OSM: variants seen among roughly 807,000 people sequenced by gnomAD.
OSM encodes the protein oncostatin-M.
In OSM, 1 loss-of-function variant was observed where a neutral mutation model predicts 6.3. That is an observed-to-expected ratio of 0.16 (90% confidence interval 0.06 to 0.76). OSM has a LOEUF of 0.76. Ranked by LOEUF, OSM falls within the 30% of genes least tolerant of loss-of-function variation. The pLI, the probability that OSM is intolerant of heterozygous loss-of-function variation, is 0.77. For missense variants in OSM, 324 were observed against 336.9 expected, an observed-to-expected ratio of 0.96 and a Z score of 0.30; for synonymous variants, 135 against 143.4, an observed-to-expected ratio of 0.94 and a Z score of 0.42.
intron 1 of OSM, among the ~76,000 whole-genome samples, chr22:30,265,995 C>T (rs1457837148): frequency 1.3e-5 from 2 of 152,274 alleles, no homozygotes; most frequent in Admixed American, 6.5e-5. Flanking sequence ...CCATCGTTCC[C>T]GTCCTAAGAA....
intron 1 of OSM, chr22:30,265,436 C>A: frequency 8.3e-7 from 1 of 1,205,140 alleles, no homozygotes; most frequent in Non-Finnish European, 1.0e-6. Flanking sequence ...GGCTGCAGTG[C>A]CTGGCCGGAT....
Position 30,263,641 on chromosome 22 carries a change from C to T in OSM, c.*242G>A, listed in dbSNP as rs1418134428. The stretch of plus-strand genomic sequence containing the variant: ...GGAAAGTCGGTCCCGCGTGGCCCGC[C>T]CGGCCACCCCACTGGGCCTGGGGAA... On this transcript the variant is annotated 3_prime_UTR_variant, in exon 3 of 3. Coordinates refer to ENST00000215781, the MANE Select transcript of OSM (RefSeq NM_020530.6). 4.9e-6 allele frequency: 2 copies of T among 411,712 alleles called. No individual in the cohort carries two copies. The highest frequency in any genetic ancestry group is 3.5e-5 in the East Asian group (1 of 28,514). 25.5% of individuals were successfully genotyped at this position (411,712 alleles called of 1,614,324 possible).
chr22:30,264,265 G>T lies in OSM; in HGVS notation c.377C>A (p.Ser126Tyr). Residue 126 changes from serine (S) to tyrosine (Y), a missense_variant, in exon 3 of 3, where the codon TCT becomes TAT. By Grantham distance (144) the Ser-to-Tyr change is moderately radical. Transcript: ENST00000215781. Reference protein sequence around the residue: ...RLPKAQDLERSGLNIEDLEKL... With the variant: ...RLPKAQDLERYGLNIEDLEKL... ...CTCCAAGTCCTCGATGTTCAGCCCA[G>T]ACCTCTCCAAATCCTGGGCCTTGGG... 1 of 1,614,146 alleles carries T rather than the reference G, an allele frequency of 6.2e-7. No homozygotes were observed.
Position 30,266,836 on chromosome 22 carries a change from G to T in OSM, c.-37C>A. On this transcript the variant is annotated 5_prime_UTR_variant, in exon 1 of 3. Transcript: ENST00000215781. The surrounding 1 kb of genome is among the most constrained non-coding windows in gnomAD (Gnocchi z 5.0). ...GTGCTCCGGCCCGCGCCCGCTGGGG[G>T]TGACACCTCTCGGCTGGGAGCCCTG... 6.2e-7 allele frequency: 1 copy of T among 1,606,054 alleles called. No homozygotes were observed.
rs756426616 is a variant in OSM, at chr22:30,264,364, C to G, written c.278G>C (p.Arg93Pro). The change falls in exon 3 of 3, where the codon CGG (arginine) becomes CCG (proline). Residue 93 changes from arginine to proline, a missense_variant. By Grantham distance (103) the Arg-to-Pro change is moderately radical. Coordinates refer to ENST00000215781, the MANE Select transcript of OSM (RefSeq NM_020530.6). ...GGCATTGAGGGTCTGCAGGAAGCCC[C>G]GCCTGCCCAGCCCCCTCAGGGTCTC... is the stretch of plus-strand genomic sequence containing the variant. Reference protein sequence around the residue: ...SEETLRGLGRRGFLQTLNATL... With the variant: ...SEETLRGLGRPGFLQTLNATL... 1 of 1,613,940 alleles carries G rather than the reference C, an allele frequency of 6.2e-7. No individual in the cohort carries two copies. The highest frequency in any genetic ancestry group is 1.1e-5 in the South Asian group (1 of 91,080).
Position 30,264,004 on chromosome 22 carries a change from C to T in OSM, c.638G>A (p.Gly213Glu), listed in dbSNP as rs753080815. ...HSVGRVFSKW[G>E]ESPNRSRRHS... ...TCTCCGGCTCCGGTTCGGGCTCTCC[C>T]CCCACTTGCTGAAGACCCGCCCCAC... Residue 213 changes from glycine to glutamate, a missense_variant, in exon 3 of 3, where the codon GGG becomes GAG. Transcript: ENST00000215781. The T allele has an allele frequency of 3.8e-6, 6 of 1,558,740 alleles. No homozygotes were observed. The African/African-American group carries it at 8.2e-5, about 21-fold the overall frequency.
At chr22:30,265,605 T>C (rs1292915010) in intron 1 of OSM, 4 of 172,504 alleles carry the variant, frequency 2.3e-5, no homozygotes, top group Non-Finnish European at 4.9e-5. Flanking sequence ...TGAGAGGGCT[T>C]CAGGGCAGGC....
chr22:30,264,564 A>T, intron 2 of OSM, 100 bp from the exon 3 acceptor site: 1 of 980,506 alleles, frequency 1.0e-6, no homozygotes, highest in South Asian at 1.6e-5. Context: ...ACCCCAATCC[A>T]ATCTCCCACT....
intron 1 of OSM, chr22:30,265,486 G>T: frequency 1.1e-6 from 1 of 914,866 alleles, no homozygotes; most frequent in Non-Finnish European, 1.4e-6. Context: ...CTCGGGAGCT[G>T]ACTCTCTGCA....
chr22:30,264,648 TG>T (rs1273914207), intron 2 of OSM, among the ~76,000 whole-genome samples, 184 bp from the exon 3 acceptor site: 1 of 152,076 alleles, frequency 6.6e-6, no homozygotes, highest in Non-Finnish European at 1.5e-5. Context: ...GGAGTGATGT[TG>T]GGGGGCTGGT....
chr22:30,263,944 C>T lies in OSM; in HGVS notation c.698G>A (p.Arg233His), dbSNP rs199651307. ...SPHQALRKGV[R>H]RTRPSRKGKR... Reference sequence around the variant, plus strand: ...GCCTTTCCTGGAGGGTCTGGTCCTGCGCACCCCCTTCCTCAGGGCCTGGTG... The same window carrying T: ...GCCTTTCCTGGAGGGTCTGGTCCTGTGCACCCCCTTCCTCAGGGCCTGGTG... Residue 233 changes from arginine to histidine, a missense_variant, in exon 3 of 3, where the codon CGC (arginine) becomes CAC (histidine). Coordinates refer to ENST00000215781, the MANE Select transcript of OSM (RefSeq NM_020530.6). The T allele has an allele frequency of 2.9e-5, 44 of 1,522,142 alleles. No homozygotes were observed. The highest frequency in any genetic ancestry group is 6.6e-5 in the Admixed American group (3 of 45,486). The allele number at this position is 1,522,142 out of a possible 1,614,324, so 94.3% of individuals were successfully genotyped here.
In OSM at chr22:30,263,863, G is replaced by A. The variant is rs140626382; in HGVS notation, c.*20C>T. 564 of 1,483,270 alleles carry A rather than the reference G, an allele frequency of 3.8e-4. 8 individuals carry two copies. In the East Asian group the frequency reaches 0.012, roughly 32 times the overall value. 91.9% of individuals were successfully genotyped at this position (1,483,270 alleles called of 1,614,324 possible). A position where few individuals can be genotyped will look rare whatever the true frequency, so the allele number is the denominator to read the frequency against. ...CAGAGCACCTGCCGCATCCTTCACC[G>A]GCAAGGGGTGCTCTCGAGGCTACCG... On this transcript the variant is annotated 3_prime_UTR_variant, in exon 3 of 3. Coordinates refer to ENST00000215781, the MANE Select transcript of OSM (RefSeq NM_020530.6).
In OSM at chr22:30,266,761, C is replaced by CT. The variant is rs1929401743; in HGVS notation, c.34+4dup. ...GGTTCTGGCGGGGAGGAAGGAAGTA[C>CT]TTACTGAGCAGCGTCCTCTGTGTGA... is the stretch of plus-strand genomic sequence containing the variant. On this transcript the variant is annotated splice_donor_region_variant and intron_variant, in intron 1 of 2. Transcript: ENST00000215781. The surrounding 1 kb of genome is among the most constrained non-coding windows in gnomAD (Gnocchi z 5.0). The CT allele has an allele frequency of 6.2e-7, 1 of 1,613,180 alleles. No homozygotes were observed. Among genetic ancestry groups the CT allele is most frequent in the African/African-American group, 1.3e-5 (1 of 74,902 alleles).
In OSM at chr22:30,264,381, C is replaced by G; in HGVS notation, c.261G>C (p.Leu87=). 6.2e-7 allele frequency: 1 copy of G among 1,614,096 alleles called. No homozygotes were observed. Among genetic ancestry groups the G allele is most frequent in the Non-Finnish European group, 8.5e-7 (1 of 1,180,012 alleles). The part of the protein sequence containing the change: ...RPGAFPSEET[L]RGLGRRGFLQ... ...GGAAGCCCCGCCTGCCCAGCCCCCT[C>G]AGGGTCTCCTCACTGGGGAAGGCCC... Residue 87 remains leucine (L), a synonymous_variant, in exon 3 of 3, where the codon CTG becomes CTC. Transcript: ENST00000215781.
chr22:30,266,645 T>C lies in OSM; in HGVS notation c.34+121A>G. 4 of 1,078,526 alleles carry C rather than the reference T, an allele frequency of 3.7e-6. No individual in the cohort carries two copies. Among genetic ancestry groups the C allele is most frequent in the Non-Finnish European group, 5.6e-6 (4 of 720,104 alleles). The allele number at this position is 1,078,526 out of a possible 1,614,324, so 66.8% of individuals were successfully genotyped here. ...TCCTGGCTCTCTCCCCTTCTCAGCA[T>C]CCTTCTGCCTGGCGCCTGGCCTCCC... On this transcript the variant is annotated intron_variant, in intron 1 of 2. Transcript: ENST00000215781. The surrounding 1 kb of genome is among the most constrained non-coding windows in gnomAD (Gnocchi z 5.0).
rs1287964997 is a variant in OSM at position 30,264,994 on chromosome 22, G to C, written c.177+8C>G. The C allele has an allele frequency of 1.2e-6, 2 of 1,613,428 alleles. No individual in the cohort carries two copies. The highest frequency in any genetic ancestry group is 1.7e-6 in the Non-Finnish European group (2 of 1,179,498). ...AGACTCAGATGCCACAAGGGCCCAGGTGCTTACATAGGGGTCCAGGAGTCT... is the reference window on the plus strand; with the variant it reads ...AGACTCAGATGCCACAAGGGCCCAGCTGCTTACATAGGGGTCCAGGAGTCT... On this transcript the variant is annotated splice_region_variant and intron_variant, in intron 2 of 2. Transcript: ENST00000215781.
intron 2 of OSM, 138 bp downstream of exon 2, chr22:30,264,864 A>T (rs746619279): frequency 6.3e-5 from 71 of 1,130,012 alleles, no homozygotes; most frequent in Non-Finnish European, 8.1e-5. Context: ...CTCAGGGTTA[A>T]GGCTGGAATA....
rs1929331884 is a variant in OSM, at chr22:30,264,336, T to C, written c.306A>G (p.Thr102=). ...RRGFLQTLNA[T]LGCVLHRLAD... is the part of the protein sequence containing the mutation. ...CCAGTCTGTGCAGGACGCAGCCCAG[T>C]GTGGCATTGAGGGTCTGCAGGAAGC... Residue 102 remains threonine (T), a synonymous_variant, in exon 3 of 3, where the codon ACA becomes ACG. Coordinates refer to ENST00000215781, the MANE Select transcript of OSM (RefSeq NM_020530.6). The C allele has an allele frequency of 6.2e-7, 1 of 1,613,966 alleles. No individual in the cohort carries two copies. The highest frequency in any genetic ancestry group is 8.5e-7 in the Non-Finnish European group (1 of 1,180,020).
At chr22:30,265,414 T>C in intron 1 of OSM, 2 of 1,269,682 alleles carry the variant, frequency 1.6e-6, no homozygotes, top group Non-Finnish European at 2.0e-6. Flanking sequence ...ACCAAGTAGG[T>C]CTTTGAGCAA....
Sources: gnomAD v4.1 joint callset for allele counts (sites outside exome capture counted in the v4.1 genomes callset) on GRCh38, gnomAD v4.1.1 for gene constraint, Gnocchi (gnomAD v3.1) non-coding constraint, MANE v1.5 for transcripts, NCBI Gene and HGNC (gene_info 2026-07-23, HGNC 2026-07-21) for gene names.